Variants in ZNF609 observed in about 807,000 individuals in gnomAD.
ZNF609 encodes zinc finger protein 609.
A neutral mutation model predicts 109.5 loss-of-function variants in ZNF609; 11 were observed. The observed-to-expected ratio is 0.10, with a 90% CI of 0.06 to 0.17. ZNF609 has a LOEUF of 0.17. ZNF609 is among the 10% of genes least tolerant of loss of function. ZNF609 has a pLI of 1.00. For missense variants in ZNF609, 1,559 were observed against 1,772.4 expected (o/e 0.88, Z 2.16); for synonymous variants, 646 against 662.0 (o/e 0.98, Z 0.37).
intron 2 of ZNF609, among the ~76,000 whole-genome samples, chr15:64,601,054 C>T (rs1050976357): frequency 4.6e-5 from 7 of 152,166 alleles, no homozygotes; most frequent in African/African-American, 1.7e-4. Flanking sequence ...TGTGTTATGC[C>T]TCTTCCTTAC....
At chr15:64,532,037 A>G (rs560130541) in intron 2 of ZNF609, among the ~76,000 whole-genome samples, 2 of 151,704 alleles carry the variant, frequency 1.3e-5, no homozygotes, top group African/African-American at 2.4e-5. Context: ...CTTATCTCCT[A>G]TTTCTCCCTA....
intron 2 of ZNF609, among the ~76,000 whole-genome samples, chr15:64,619,952 A>G (rs1895854772): frequency 6.6e-6 from 1 of 152,224 alleles, no homozygotes; most frequent in South Asian, 2.1e-4. Flanking sequence ...TGCCAGGAGC[A>G]CTGAATAACC....
chr15:64,670,520 A>C (rs1224703005), intron 4 of ZNF609, 87 bp downstream of exon 4: 6 of 1,132,084 alleles, frequency 5.3e-6, no homozygotes, highest in African/African-American at 3.0e-5. Context: ...AGAGTTGTAC[A>C]TCCAGCTTTT....
intron 3 of ZNF609, 70 bp from the exon 4 acceptor site, chr15:64,670,276 T>C: frequency 7.8e-7 from 1 of 1,285,606 alleles, no homozygotes. Flanking sequence ...AGAGTGCTGA[T>C]CAAAAGAATA....
chr15:64,560,538 T>C (rs534691144), intron 2 of ZNF609, among the ~76,000 whole-genome samples: 1 of 152,194 alleles, frequency 6.6e-6, no homozygotes, highest in South Asian at 2.1e-4. Context: ...AAGAGAAAAC[T>C]TGGGGACCGC....
chr15:64,660,428 T>A (rs1896557088), intron 3 of ZNF609, among the ~76,000 whole-genome samples: 2 of 151,810 alleles, frequency 1.3e-5, no homozygotes, highest in Non-Finnish European at 1.5e-5. Flanking sequence ...CAGTCCCACT[T>A]CTGGTTTTTA....
chr15:64,615,803 C>T (rs1012304877), intron 2 of ZNF609, among the ~76,000 whole-genome samples: 2 of 152,132 alleles, frequency 1.3e-5, no homozygotes, highest in African/African-American at 4.8e-5. Context: ...ATCTTACTTT[C>T]TACACAATCT....
chr15:64,563,762 G>A (rs559215140), intron 2 of ZNF609, among the ~76,000 whole-genome samples: 5 of 151,720 alleles, frequency 3.3e-5, no homozygotes, highest in African/African-American at 4.8e-5. Flanking sequence ...CAACGAGAGC[G>A]AAACTCTGTC....
chr15:64,504,117 C>G (rs1893597638), intron 2 of ZNF609, among the ~76,000 whole-genome samples: 1 of 152,190 alleles, frequency 6.6e-6, no homozygotes, highest in Admixed American at 6.5e-5. Flanking sequence ...ACCAAATGCC[C>G]TCAAGATTTT....
chr15:64,677,225 AGAT>A (rs1966850654), intron 5 of ZNF609, among the ~76,000 whole-genome samples: 1 of 151,604 alleles, frequency 6.6e-6, no homozygotes, highest in African/African-American at 2.4e-5. Context: ...CACCACACCC[AGAT>A]GATGTTTTAA....
intron 1 of ZNF609, among the ~76,000 whole-genome samples, chr15:64,481,131 G>A (rs1301980096): frequency 6.6e-6 from 1 of 152,140 alleles, no homozygotes; most frequent in African/African-American, 2.4e-5. Context: ...CTGTGATCAT[G>A]TATATATTAG....
intron 1 of ZNF609, among the ~76,000 whole-genome samples, chr15:64,465,463 C>A (rs1247434561): frequency 6.6e-6 from 1 of 152,074 alleles, no homozygotes; most frequent in Non-Finnish European, 1.5e-5. Context: ...CTCACTGCAA[C>A]CTCTGCCTCC....
chr15:64,567,823 G>A (rs1894801845), intron 2 of ZNF609, among the ~76,000 whole-genome samples: 1 of 151,842 alleles, frequency 6.6e-6, no homozygotes, highest in African/African-American at 2.4e-5. Flanking sequence ...CACCACACCC[G>A]ACTAATTTTT....
At chr15:64,632,606 C>G (rs1378814546) in intron 3 of ZNF609, among the ~76,000 whole-genome samples, 1 of 151,944 alleles carries the variant, frequency 6.6e-6, no homozygotes, top group African/African-American at 2.4e-5. Flanking sequence ...CTCAGCCTCC[C>G]AAGTAGCTGG....
intron 2 of ZNF609, chr15:64,529,546 T>C (rs1894023974): frequency 1.5e-6 from 2 of 1,312,008 alleles, no homozygotes; most frequent in Non-Finnish European, 2.2e-6. Context: ...GTAGACCATG[T>C]AGTTGAGGTC....
intron 1 of ZNF609, among the ~76,000 whole-genome samples, chr15:64,487,477 A>C (rs1397454395): frequency 6.6e-6 from 1 of 152,196 alleles, no homozygotes; most frequent in African/African-American, 2.4e-5. Context: ...TGTAACCACT[A>C]TCCAGTTCAA....
At chr15:64,465,495 G>A (rs755268977) in intron 1 of ZNF609, among the ~76,000 whole-genome samples, 38 of 151,970 alleles carry the variant, frequency 2.5e-4, no homozygotes, top group Non-Finnish European at 4.7e-4. Flanking sequence ...AATTGCTTGC[G>A]TCAGCCTCCT....
intron 1 of ZNF609, among the ~76,000 whole-genome samples, chr15:64,469,289 G>A (rs765951081): frequency 8.6e-5 from 13 of 151,374 alleles, no homozygotes; most frequent in Non-Finnish European, 1.5e-4. Context: ...AATTAGCCAG[G>A]TGGTGTGCAC....
chr15:64,490,703 C>T (rs1893401588), intron 1 of ZNF609, among the ~76,000 whole-genome samples: 1 of 152,126 alleles, frequency 6.6e-6, no homozygotes, highest in Non-Finnish European at 1.5e-5. Flanking sequence ...TCTAAAGGGT[C>T]AGGACTGAAT....
Sources: gnomAD v4.1 joint callset for allele counts (sites outside exome capture counted in the v4.1 genomes callset) on GRCh38, gnomAD v4.1.1 for gene constraint, MANE v1.5 for transcripts, NCBI Gene and HGNC (gene_info 2026-07-23, HGNC 2026-07-21) for gene names.